The following APOO variants were observed in gnomAD, a reference collection of about 807,000 sequenced individuals.
The protein encoded by APOO is MICOS complex subunit MIC26.
In APOO, 11 loss-of-function variants were observed where a neutral mutation model predicts 23.1. The ratio of observed to expected loss-of-function variants is 0.48; its 90% CI spans 0.30 to 0.79. APOO has a LOEUF of 0.79. APOO is among the 30% of genes least tolerant of loss of function. The probability of loss-of-function intolerance (pLI) is 0.07; values close to 1 mark genes in which losing one functional copy is unlikely to be tolerated. For missense variants in APOO, 160 were observed against 142.7 expected (o/e 1.12, Z -0.62); for synonymous variants, 59 against 54.8 (o/e 1.08, Z -0.34).
At chrX:23,868,497 A>G (rs756977763) in intron 5 of APOO, 96 bp downstream of exon 5, 14 of 683,582 alleles carry the variant, frequency 2.0e-5, no homozygotes, top group Middle Eastern at 5.1e-4. Context: ...GAACCAACTC[A>G]TTATTCTGAA....
intron 7 of APOO, among the ~76,000 whole-genome samples, chrX:23,844,828 A>G (rs1387830961): frequency 8.9e-6 from 1 of 112,440 alleles, no homozygotes; most frequent in African/African-American, 3.2e-5. Context: ...ATTCCTGACT[A>G]CAGGGTATGG....
intron 1 of APOO, among the ~76,000 whole-genome samples, chrX:23,889,956 TG>T (rs1339385418): frequency 9.1e-6 from 1 of 109,816 alleles, no homozygotes; most frequent in Non-Finnish European, 1.9e-5. Context: ...CCACCGCGCC[TG>T]GCCCACCTGG....
At chrX:23,890,775 G>A (rs1926619361) in intron 1 of APOO, among the ~76,000 whole-genome samples, 2 of 111,823 alleles carry the variant, frequency 1.8e-5, no homozygotes, top group South Asian at 7.4e-4. Context: ...TAGGTTAGGT[G>A]TGTTAATTTT....
rs371229817 is a variant in APOO at position 23,907,572 on chromosome X, G to C, written c.9+122C>G. ...GCGGGGCCGGGACGCAGCCGGCCCA[G>C]TGGCGGGAAAAGCCTCGGGGTGAGC... On this transcript the variant is annotated intron_variant, in intron 1 of 8. Transcript: ENST00000379226. The C allele has an allele frequency of 1.3e-4, 100 of 772,083 alleles. No individual in the cohort carries two copies. The East Asian group carries it at 1.6e-3, about 12-fold the overall frequency. The allele number at this position is 772,083 out of a possible 1,213,427, so 63.6% of individuals were successfully genotyped here.
chrX:23,835,723 G>A (rs1408484041), intron 8 of APOO, among the ~76,000 whole-genome samples: 1 of 80,155 alleles, frequency 1.2e-5, no homozygotes, highest in East Asian at 5.5e-4. Flanking sequence ...TACTGTCTAT[G>A]GCAAAAAAAA....
chrX:23,849,749 G>A (rs376379119), intron 7 of APOO, among the ~76,000 whole-genome samples: 3 of 108,408 alleles, frequency 2.8e-5, no homozygotes, highest in Non-Finnish European at 5.7e-5. Context: ...AAAATTAGGC[G>A]GGGGCGGTGG....
At chrX:23,842,651 GAA>G (rs1924037265) in intron 7 of APOO, among the ~76,000 whole-genome samples, 1 of 111,215 alleles carries the variant, frequency 9.0e-6, no homozygotes, top group Non-Finnish European at 1.9e-5. Context: ...CAAGAAGAGA[GAA>G]AAAAAGGCTT....
chrX:23,892,170 G>A (rs1019176913), intron 1 of APOO, among the ~76,000 whole-genome samples: 8 of 108,772 alleles, frequency 7.4e-5, no homozygotes, highest in East Asian at 2.9e-4. Flanking sequence ...GACAACCTCC[G>A]TGCCCCTGGG....
At chrX:23,888,369 A>G (rs1163354325) in intron 1 of APOO, among the ~76,000 whole-genome samples, 1 of 111,894 alleles carries the variant, frequency 8.9e-6, no homozygotes, top group Non-Finnish European at 1.9e-5. Context: ...ATATATAACA[A>G]TTAGAAGAGG....
chrX:23,836,608 C>A, intron 8 of APOO: 1 of 712,273 alleles, frequency 1.4e-6, no homozygotes, highest in Non-Finnish European at 2.0e-6. Flanking sequence ...CCACCACGCC[C>A]AGCCCCAGCC....
chrX:23,868,970 G>A lies in APOO; in HGVS notation c.293-282C>T, dbSNP rs1013015075. 1.7e-4 allele frequency among the ~76,000 whole-genome samples: 18 copies of A among 105,150 alleles called. No individual in the cohort carries two copies. In the East Asian group the frequency reaches 4.5e-3, roughly 26 times the overall value. The allele number at this position is 105,150 out of a possible 115,157, so 91.3% of individuals were successfully genotyped here. A position where few individuals can be genotyped will look rare whatever the true frequency, so the allele number is the denominator to read the frequency against. On this transcript the variant is annotated intron_variant, in intron 4 of 8. Coordinates refer to ENST00000379226, the MANE Select transcript of APOO (RefSeq NM_024122.5). ...GTCGCCCAGGCTGGTGTGCAATGGC[G>A]TGATCTCGGCTCACTGCAACCTCTG... is the stretch of plus-strand genomic sequence containing the variant.
chrX:23,884,743 A>G (rs972744781), intron 1 of APOO, among the ~76,000 whole-genome samples: 10 of 111,541 alleles, frequency 9.0e-5, no homozygotes, highest in African/African-American at 2.9e-4. Context: ...GTTAACAACA[A>G]TGTATTGGAT....
At chrX:23,905,164 G>A (rs950236745) in intron 1 of APOO, among the ~76,000 whole-genome samples, 16 of 109,256 alleles carry the variant, frequency 1.5e-4, no homozygotes, top group Non-Finnish European at 2.3e-4. Context: ...CAAGGCGGGC[G>A]AATCACGAGG....
At chrX:23,869,557 C>T (rs767139620) in intron 4 of APOO, among the ~76,000 whole-genome samples, 4 of 96,959 alleles carry the variant, frequency 4.1e-5, no homozygotes, top group Non-Finnish European at 8.0e-5. Flanking sequence ...TTCAAGGCTG[C>T]GGTGAGCTAG....
At chrX:23,843,388 T>G (rs745420418) in intron 7 of APOO, among the ~76,000 whole-genome samples, 4 of 110,758 alleles carry the variant, frequency 3.6e-5, no homozygotes, top group Middle Eastern at 4.7e-3. Context: ...GGCAGAGAAC[T>G]CCAGGATCTC....
intron 1 of APOO, among the ~76,000 whole-genome samples, chrX:23,887,091 G>A (rs1291314200): frequency 9.1e-6 from 1 of 110,067 alleles, no homozygotes. Flanking sequence ...CCTCCTGTTC[G>A]CACTCTGGAT....
chrX:23,847,424 A>G (rs1328050314), intron 7 of APOO, among the ~76,000 whole-genome samples: 1 of 110,326 alleles, frequency 9.1e-6, no homozygotes, highest in Non-Finnish European at 1.9e-5. Context: ...CAGGAGATCG[A>G]GATCATCCTG....
intron 1 of APOO, among the ~76,000 whole-genome samples, chrX:23,896,280 T>A (rs1180674922): frequency 9.3e-6 from 1 of 107,843 alleles, no homozygotes; most frequent in African/African-American, 3.3e-5. Context: ...AAAAAAAAAA[T>A]ATGATGTTAA....
chrX:23,862,557 C>A (rs778148334), intron 5 of APOO, among the ~76,000 whole-genome samples: 58 of 106,782 alleles, frequency 5.4e-4, no homozygotes, highest in African/African-American at 2.0e-3. Context: ...AGGAAGACTG[C>A]TTGAGCTCGG....
Sources: allele counts gnomAD v4.1 joint callset (sites outside exome capture counted in the v4.1 genomes callset), GRCh38; gene constraint gnomAD v4.1.1; transcripts MANE v1.5; gene names NCBI Gene and HGNC (gene_info 2026-07-23, HGNC 2026-07-21).